Variants in C17orf107 observed in about 807,000 individuals in gnomAD.
C17orf107 encodes uncharacterized protein C17orf107.
C17orf107 carries 9 observed loss-of-function variants against 8.9 expected under a neutral mutation model. That is an observed-to-expected ratio of 1.02 (90% CI 0.61 to 1.77). The LOEUF (loss-of-function observed/expected upper bound fraction) is 1.77, where lower values mean the gene tolerates loss of function less well. Among genes scored for constraint, C17orf107 ranks in the 40% most tolerant of loss-of-function variants. The pLI, the probability that C17orf107 is intolerant of heterozygous loss-of-function variation, is 0.00. For missense variants in C17orf107, 281 were observed against 249.0 expected (o/e 1.13, Z -0.86); for synonymous variants, 139 against 120.3 (o/e 1.16, Z -1.02).
chr17:4,900,278 C>T lies in C17orf107; in HGVS notation c.318C>T (p.Asp106=), dbSNP rs2151096490. 6.5e-7 allele frequency: 1 copy of T among 1,545,508 alleles called. No homozygotes were observed. Among genetic ancestry groups the T allele is most frequent in the Non-Finnish European group, 8.7e-7 (1 of 1,146,642 alleles). The change falls in exon 3 of 3, where the codon GAC becomes GAT. Residue 106 remains aspartate (D), a synonymous_variant. Transcript: ENST00000381365. ...LWLQQEARRL[D]GSAGPAPDGR... ...TGCAGCAGGAGGCGCGGCGACTAGA[C>T]GGCAGCGCGGGCCCAGCCCCAGACG...
In C17orf107 at chr17:4,899,831, G is replaced by A; in HGVS notation, c.66+3G>A. 6.4e-7 allele frequency: 1 copy of A among 1,551,182 alleles called. No individual in the cohort carries two copies. The highest frequency in any genetic ancestry group is 1.2e-5 in the South Asian group (1 of 84,058). ...ACCACTTCCACAGCTCCACCGAGGT[G>A]AGGCTACGCCCGCCAAGGGCTGCAC... On this transcript the variant is annotated splice_donor_region_variant and intron_variant, in intron 1 of 2. Transcript: ENST00000381365.
At position 4,901,747 on chromosome 17, in the gene C17orf107, C is replaced by A; in HGVS notation, c.*1214C>A. 1 of 1,249,786 alleles carries A rather than the reference C, an allele frequency of 8.0e-7. No individual in the cohort carries two copies. The highest frequency in any genetic ancestry group is 1.2e-5 in the South Asian group (1 of 81,602). The allele number at this position is 1,249,786 out of a possible 1,614,324, so 77.4% of individuals were successfully genotyped here. A position where few individuals can be genotyped will look rare whatever the true frequency, so the allele number is the denominator to read the frequency against. ...CCCAAGCCCACCCCTTCACCCAAGC[C>A]CAGCCCGCACGCCTCTGTTCCCATC... On this transcript the variant is annotated 3_prime_UTR_variant, in exon 3 of 3. Transcript: ENST00000381365.
chr17:4,906,190 G>A (rs143264582), downstream of C17orf107, among the ~76,000 whole-genome samples: 321 of 152,252 alleles, frequency 2.1e-3, 1 homozygote, highest in African/African-American at 7.4e-3. Context: ...TGAGGGCTTG[G>A]GGTGCCAACA....
chr17:4,902,438 G>A lies in C17orf107; in HGVS notation c.*1905G>A. ...GGACAAGACCTCACACCATTCCCCA[G>A]ATTTGACTCACGATTCCAATCCAGA... is the stretch of plus-strand genomic sequence containing the variant. On this transcript the variant is annotated 3_prime_UTR_variant, in exon 3 of 3. Coordinates refer to ENST00000381365, the MANE Select transcript of C17orf107 (RefSeq NM_001145536.2). This position sits in a 1 kb window ranked among gnomAD's most constrained non-coding sequence, Gnocchi z 4.0. The A allele has an allele frequency of 6.2e-7, 1 of 1,614,204 alleles. No homozygotes were observed. Among genetic ancestry groups the A allele is most frequent in the South Asian group, 1.1e-5 (1 of 91,088 alleles).
chr17:4,901,088 A>G lies in C17orf107; in HGVS notation c.*555A>G, dbSNP rs770523947. 6.2e-7 allele frequency: 1 copy of G among 1,613,804 alleles called. No homozygotes were observed. Among genetic ancestry groups the G allele is most frequent in the Admixed American group, 1.7e-5 (1 of 60,028 alleles). On this transcript the variant is annotated 3_prime_UTR_variant, in exon 3 of 3. Coordinates refer to ENST00000381365, the MANE Select transcript of C17orf107 (RefSeq NM_001145536.2). ...GTAGAAGAGCGGCTTCCGGCGGATGATGAGCGAGTAGATGACGTCAGTCTC... is the reference window on the plus strand; with the variant it reads ...GTAGAAGAGCGGCTTCCGGCGGATGGTGAGCGAGTAGATGACGTCAGTCTC...
At chr17:4,903,381 A>G (rs1438402570), downstream of C17orf107, among the ~76,000 whole-genome samples, 1 of 152,078 alleles carries the variant, frequency 6.6e-6, no homozygotes, top group Non-Finnish European at 1.5e-5. Flanking sequence ...GGTGGGAGAC[A>G]CTGCTTTCAG....
At position 4,900,692 on chromosome 17, in the gene C17orf107, G is replaced by T; in HGVS notation, c.*159G>T. 1 of 1,467,938 alleles carries T rather than the reference G, an allele frequency of 6.8e-7. No individual in the cohort carries two copies. 90.9% of individuals were successfully genotyped at this position (1,467,938 alleles called of 1,614,324 possible). ...CCACCCAGCGTCCGAATAAAGCCCA[G>T]GGCGGGGCGAGACAGCCAGAGCTTT... On this transcript the variant is annotated 3_prime_UTR_variant, in exon 3 of 3. Coordinates refer to ENST00000381365, the MANE Select transcript of C17orf107 (RefSeq NM_001145536.2).
chr17:4,901,228 G>C lies in C17orf107; in HGVS notation c.*695G>C, dbSNP rs777150987. ...GGCACGGTCAGCTGGCTGTCAGAGC[G>C]GGGCGCCCGCCGAGCTGACAGCGGG... On this transcript the variant is annotated 3_prime_UTR_variant, in exon 3 of 3. Coordinates refer to ENST00000381365, the MANE Select transcript of C17orf107 (RefSeq NM_001145536.2). The C allele has an allele frequency of 6.3e-7, 1 of 1,588,478 alleles. No individual in the cohort carries two copies. The highest frequency in any genetic ancestry group is 1.7e-5 in the Admixed American group (1 of 59,440).
chr17:4,901,569 C>T lies in C17orf107; in HGVS notation c.*1036C>T, dbSNP rs1279921545. ...GATGTCGATCTTGTTGATGGTCTTG[C>T]CGTCGTTGTCTACGGCAAAAGTGAA... On this transcript the variant is annotated 3_prime_UTR_variant, in exon 3 of 3. Transcript: ENST00000381365. 5 of 1,614,168 alleles carry T rather than the reference C, an allele frequency of 3.1e-6. No individual in the cohort carries two copies. In the Admixed American group the frequency reaches 5.0e-5, roughly 16 times the overall value.
At position 4,901,321 on chromosome 17, in the gene C17orf107, G is replaced by T; in HGVS notation, c.*788G>T. ...GTCAGGATGGGGGCAATTACGGACA[G>T]AAAAGGGCATTCTCGTTGAGGGTAT... On this transcript the variant is annotated 3_prime_UTR_variant, in exon 3 of 3. Coordinates refer to ENST00000381365, the MANE Select transcript of C17orf107 (RefSeq NM_001145536.2). 1 of 1,067,360 alleles carries T rather than the reference G, an allele frequency of 9.4e-7. No individual in the cohort carries two copies. The highest frequency in any genetic ancestry group is 1.4e-6 in the Non-Finnish European group (1 of 717,074). The allele number at this position is 1,067,360 out of a possible 1,614,324, so 66.1% of individuals were successfully genotyped here. A position where few individuals can be genotyped will look rare whatever the true frequency, so the allele number is the denominator to read the frequency against.
Position 4,900,842 on chromosome 17 carries a change from T to C in C17orf107, c.*309T>C. On this transcript the variant is annotated 3_prime_UTR_variant, in exon 3 of 3. Coordinates refer to ENST00000381365, the MANE Select transcript of C17orf107 (RefSeq NM_001145536.2). ...GAAGTCTCTGGGATTTTCTGGGCAA[T>C]GAGGAACAAGAAGACGGTCTGGGCG... The C allele has an allele frequency of 6.2e-7, 1 of 1,614,016 alleles. No homozygotes were observed. The highest frequency in any genetic ancestry group is 1.3e-5 in the African/African-American group (1 of 74,984).
chr17:4,903,960 C>G (rs1453657200), downstream of C17orf107, among the ~76,000 whole-genome samples: 1 of 152,140 alleles, frequency 6.6e-6, no homozygotes, highest in Non-Finnish European at 1.5e-5. Context: ...CGGGTTCAAG[C>G]GATTCTCCTG....
At position 4,901,545 on chromosome 17, in the gene C17orf107, A is replaced by G. The variant is rs146931108; in HGVS notation, c.*1012A>G. 3.7e-4 allele frequency: 597 copies of G among 1,614,082 alleles called. 2 individuals carry two copies. The highest frequency in any genetic ancestry group is 5.5e-4 in the Admixed American group (33 of 60,024). On this transcript the variant is annotated 3_prime_UTR_variant, in exon 3 of 3. Transcript: ENST00000381365. ...TTCACCAGTATAGGCCTCTGTGTCG[A>G]TGTCGATCTTGTTGATGGTCTTGCC...
chr17:4,906,198 A>G (rs950670932), downstream of C17orf107, among the ~76,000 whole-genome samples: 2 of 152,136 alleles, frequency 1.3e-5, no homozygotes, highest in African/African-American at 4.8e-5. Flanking sequence ...TGGGGTGCCA[A>G]CACTGAAGAA....
chr17:4,904,211 TG>T (rs201525691), downstream of C17orf107, among the ~76,000 whole-genome samples: 4 of 151,596 alleles, frequency 2.6e-5, no homozygotes, highest in Admixed American at 6.6e-5. Context: ...TTGCAGGGGG[TG>T]GGGGGACAGG....
Position 4,899,699 on chromosome 17 carries a change from C to A in C17orf107, c.-64C>A. 1 of 1,480,610 alleles carries A rather than the reference C, an allele frequency of 6.8e-7. No homozygotes were observed. The highest frequency in any genetic ancestry group is 9.2e-7 in the Non-Finnish European group (1 of 1,082,904). 91.7% of individuals were successfully genotyped at this position (1,480,610 alleles called of 1,614,324 possible). The stretch of plus-strand genomic sequence containing the variant: ...ACGGGCTGGTTACGCCCTCCAGCTG[C>A]GCCCCCTACACGACGACAGACGCGT... On this transcript the variant is annotated 5_prime_UTR_variant, in exon 1 of 3. Coordinates refer to ENST00000381365, the MANE Select transcript of C17orf107 (RefSeq NM_001145536.2).
At position 4,900,077 on chromosome 17, in the gene C17orf107, CCCACCCTGGGGCTGGTGTTGAGAGAAG is replaced by C; in HGVS notation, c.213_239del (p.Leu72_Thr80del). ...GCAGGGGATGCTGCCTGCCCCGAAG[CCCACCCTGGGGCTGGTGTTGAGAGAAG>C]CCACAGCCAGCCTCGTGAGCTTCGG... On this transcript the variant is annotated inframe_deletion, in exon 2 of 3. Coordinates refer to ENST00000381365, the MANE Select transcript of C17orf107 (RefSeq NM_001145536.2). The C allele has an allele frequency of 6.4e-7, 1 of 1,551,102 alleles. No homozygotes were observed. Among genetic ancestry groups the C allele is most frequent in the Non-Finnish European group, 8.7e-7 (1 of 1,147,000 alleles).
chr17:4,900,440 G>A lies in C17orf107; in HGVS notation c.480G>A (p.Leu160=). ...GGCTATGCCTGTGTGGACGGGGTCT[G>A]CAGGGGTCTGCCTCATTCCTGCGAC... ...GAWLCLCGRG[L]QGSASFLRQS... is the part of the protein sequence containing the mutation. The change falls in exon 3 of 3, where the codon CTG becomes CTA. Residue 160 remains leucine, a synonymous_variant. Transcript: ENST00000381365. 5.8e-6 allele frequency: 9 copies of A among 1,551,004 alleles called. No individual in the cohort carries two copies. Among genetic ancestry groups the A allele is most frequent in the African/African-American group, 1.4e-5 (1 of 73,186 alleles).
chr17:4,900,673 A>C lies in C17orf107; in HGVS notation c.*140A>C. Reference sequence around the variant, plus strand: ...CTCCATCCCCGTACCAGCCCCACCCAGCGTCCGAATAAAGCCCAGGGCGGG... The same window carrying C: ...CTCCATCCCCGTACCAGCCCCACCCCGCGTCCGAATAAAGCCCAGGGCGGG... On this transcript the variant is annotated 3_prime_UTR_variant, in exon 3 of 3. Transcript: ENST00000381365. 6.9e-7 allele frequency: 1 copy of C among 1,445,584 alleles called. No individual in the cohort carries two copies. The highest frequency in any genetic ancestry group is 2.5e-5 in the East Asian group (1 of 40,312). 89.5% of individuals were successfully genotyped at this position (1,445,584 alleles called of 1,614,324 possible).
Sources: gnomAD v4.1 joint callset for allele counts (sites outside exome capture counted in the v4.1 genomes callset) on GRCh38, gnomAD v4.1.1 for gene constraint, Gnocchi (gnomAD v3.1) non-coding constraint, MANE v1.5 for transcripts, NCBI Gene and HGNC (gene_info 2026-07-23, HGNC 2026-07-21) for gene names.